The following ATOSA variants were observed in gnomAD, a reference collection of about 807,000 sequenced individuals.
ATOSA encodes the protein atos homolog protein A.
the ATOSA span, among the ~76,000 whole-genome samples, chr15:52,655,187 G>A: frequency 1.3e-5 from 2 of 152,038 alleles, no homozygotes; most frequent in Non-Finnish European, 2.9e-5. Flanking sequence ...TCTTACATAT[G>A]TTACTTACTA....
the ATOSA span, chr15:52,582,266 T>A: frequency 6.3e-7 from 1 of 1,597,228 alleles, no homozygotes; most frequent in South Asian, 1.1e-5. Context: ...GAGCCGTACG[T>A]CTCTATGGAG....
At chr15:52,584,574 C>G in the ATOSA span, among the ~76,000 whole-genome samples, 1 of 152,028 alleles carries the variant, frequency 6.6e-6, no homozygotes, top group South Asian at 2.1e-4. Flanking sequence ...TAATGACCAC[C>G]ACAGGAAGGT....
the ATOSA span, among the ~76,000 whole-genome samples, chr15:52,598,260 A>G: frequency 1.3e-5 from 2 of 152,238 alleles, no homozygotes; most frequent in Non-Finnish European, 2.9e-5. Flanking sequence ...AAGAAAGTTT[A>G]CGAATTTGTG....
the ATOSA span, among the ~76,000 whole-genome samples, chr15:52,591,332 G>A: frequency 6.6e-6 from 1 of 152,188 alleles, no homozygotes. Context: ...CCGGGTTCAA[G>A]CGATTCTCCT....
the ATOSA span, among the ~76,000 whole-genome samples, chr15:52,668,646 A>G: frequency 1.3e-5 from 2 of 152,218 alleles, no homozygotes; most frequent in Non-Finnish European, 2.9e-5. Flanking sequence ...ATATATATGT[A>G]TTGGAACATC....
At chr15:52,687,222 G>A in the ATOSA span, among the ~76,000 whole-genome samples, 1 of 152,138 alleles carries the variant, frequency 6.6e-6, no homozygotes, top group Non-Finnish European at 1.5e-5. Context: ...TGGCTAACAT[G>A]GTGAAACCCC....
chr15:52,599,950 C>A, the ATOSA span, among the ~76,000 whole-genome samples: 1 of 152,200 alleles, frequency 6.6e-6, no homozygotes. Context: ...TAAGACATCA[C>A]TGCCAACAAT....
At chr15:52,643,474 C>T in the ATOSA span, among the ~76,000 whole-genome samples, 5 of 90,852 alleles carry the variant, frequency 5.5e-5, no homozygotes, top group Non-Finnish European at 1.3e-4. Context: ...TTTTTTGTAG[C>T]GACAGCATCT....
the ATOSA span, chr15:52,611,374 G>A: frequency 1.5e-5 from 20 of 1,325,790 alleles, no homozygotes; most frequent in Non-Finnish European, 2.1e-5. Context: ...GAAGAGCATA[G>A]GAATACACTT....
the ATOSA span, among the ~76,000 whole-genome samples, chr15:52,692,661 T>C: frequency 1.3e-5 from 2 of 151,450 alleles, no homozygotes; most frequent in Admixed American, 6.6e-5. Flanking sequence ...GCCTGAAAAC[T>C]ACCTCTTTTT....
the ATOSA span, among the ~76,000 whole-genome samples, chr15:52,704,072 A>C: frequency 6.6e-6 from 1 of 152,178 alleles, no homozygotes; most frequent in Non-Finnish European, 1.5e-5. Context: ...TACTTTGCAC[A>C]AAAAGAAAAA....
chr15:52,672,319 A>G, the ATOSA span, among the ~76,000 whole-genome samples: 2 of 152,034 alleles, frequency 1.3e-5, no homozygotes, highest in Non-Finnish European at 2.9e-5. Context: ...ACTGTACTCC[A>G]GTCTGAGTGA....
the ATOSA span, among the ~76,000 whole-genome samples, chr15:52,644,481 T>C: frequency 3.3e-5 from 5 of 152,324 alleles, no homozygotes; most frequent in Non-Finnish European, 7.4e-5. Flanking sequence ...AAGTCATTAT[T>C]TGAGCTTTAT....
chr15:52,679,958 G>A, the ATOSA span, among the ~76,000 whole-genome samples: 3 of 151,606 alleles, frequency 2.0e-5, no homozygotes, highest in African/African-American at 7.3e-5. Context: ...GGGAGTGGGA[G>A]AATTTAAGAA....
At chr15:52,600,827 T>C in the ATOSA span, among the ~76,000 whole-genome samples, 10 of 147,926 alleles carry the variant, frequency 6.8e-5, no homozygotes, top group African/African-American at 2.5e-4. Flanking sequence ...TAAAAGGTAG[T>C]AGAGGTTAAT....
At chr15:52,616,551 T>C in the ATOSA span, among the ~76,000 whole-genome samples, 6 of 152,224 alleles carry the variant, frequency 3.9e-5, no homozygotes, top group African/African-American at 1.2e-4. Context: ...CTGGGCAATA[T>C]AGGGAGACCC....
chr15:52,641,381 T>G, the ATOSA span, among the ~76,000 whole-genome samples: 1 of 152,200 alleles, frequency 6.6e-6, no homozygotes, highest in Non-Finnish European at 1.5e-5. Context: ...TTCTCTTCCT[T>G]TCCACTGCTC....
chr15:52,612,844 C>G, the ATOSA span, among the ~76,000 whole-genome samples: 1 of 151,806 alleles, frequency 6.6e-6, no homozygotes, highest in African/African-American at 2.4e-5. Context: ...TTTTGGATCA[C>G]ATTTGAGAAA....
the ATOSA span, among the ~76,000 whole-genome samples, chr15:52,617,138 A>G: frequency 6.6e-6 from 1 of 152,206 alleles, no homozygotes; most frequent in African/African-American, 2.4e-5. Context: ...CTATTTGGAA[A>G]TAAGGCTTTT....
Sources: allele counts gnomAD v4.1 joint callset (sites outside exome capture counted in the v4.1 genomes callset), GRCh38; gene constraint gnomAD v4.1.1; transcripts MANE v1.5; gene names NCBI Gene and HGNC (gene_info 2026-07-23, HGNC 2026-07-21).